Variants in PCSK6 observed in about 807,000 individuals in gnomAD.
PCSK6 encodes paired basic amino acid cleaving enzyme 4.
A neutral mutation model predicts 123.3 loss-of-function variants in PCSK6; 85 were observed. That is an observed-to-expected ratio of 0.69 (90% confidence interval 0.58 to 0.83). The LOEUF is 0.83. PCSK6 is among the 40% of genes least tolerant of loss of function. The pLI is 0.00. For missense variants in PCSK6, 1,191 were observed against 1,282.3 expected (o/e 0.93, Z 1.09); for synonymous variants, 508 against 516.0 (o/e 0.98, Z 0.21).
chr15:101,400,720 C>T (rs553176033), intron 6 of PCSK6, among the ~76,000 whole-genome samples: 3 of 152,348 alleles, frequency 2.0e-5, no homozygotes, highest in East Asian at 1.9e-4. Context: ...CTAACACATA[C>T]ATTTCAAATG....
intron 13 of PCSK6, among the ~76,000 whole-genome samples, chr15:101,358,237 A>G (rs781473209): frequency 7.9e-5 from 12 of 152,258 alleles, no homozygotes; most frequent in East Asian, 5.8e-4. Context: ...TCATTCTACA[A>G]AAGGACAGCC....
At chr15:101,412,542 A>T (rs548414895) in intron 6 of PCSK6, among the ~76,000 whole-genome samples, 22 of 152,012 alleles carry the variant, frequency 1.4e-4, no homozygotes, top group Non-Finnish European at 3.1e-4. Context: ...GAAAGTCTCA[A>T]TAAAGAAACT....
intron 15 of PCSK6, among the ~76,000 whole-genome samples, chr15:101,330,844 C>G (rs1220127796): frequency 6.6e-6 from 1 of 152,186 alleles, no homozygotes; most frequent in East Asian, 1.9e-4. Context: ...ATTCAATGCT[C>G]TATTTTAAAG....
intron 1 of PCSK6, among the ~76,000 whole-genome samples, chr15:101,448,471 T>C (rs950470570): frequency 2.0e-5 from 3 of 152,224 alleles, no homozygotes; most frequent in African/African-American, 7.2e-5. Flanking sequence ...CAATTCCCCC[T>C]CCTTCACCTG....
At chr15:101,310,004 G>C (rs1044667332) in intron 20 of PCSK6, among the ~76,000 whole-genome samples, 4 of 152,234 alleles carry the variant, frequency 2.6e-5, no homozygotes, top group African/African-American at 7.2e-5. Flanking sequence ...CAGCCCGTCT[G>C]GCCACATGCT....
chr15:101,347,954 G>T (rs1009720827), intron 13 of PCSK6, among the ~76,000 whole-genome samples: 1 of 152,194 alleles, frequency 6.6e-6, no homozygotes. Flanking sequence ...GCTTAGCTGG[G>T]GGAAGTCTTC....
At position 101,305,264 on chromosome 15, in the gene PCSK6, G is replaced by T; in HGVS notation, c.2904C>A (p.Ala968=). ...IQFCCRTCLL[A]G is the part of the protein sequence containing the mutation. ...TGTGGGCAGCTAGGCACCCTTACCC[G>T]GCCAGGAGGCACGTGCGGCAGCAGA... The change falls in exon 22 of 22, where the codon GCC becomes GCA. Residue 968 remains alanine (A), a synonymous_variant. Transcript: ENST00000611716. The surrounding 1 kb of genome is among the most constrained non-coding windows in gnomAD (Gnocchi z 4.8). 6.2e-7 allele frequency: 1 copy of T among 1,610,414 alleles called. No individual in the cohort carries two copies.
chr15:101,444,755 C>T (rs1246012755), intron 1 of PCSK6, among the ~76,000 whole-genome samples: 2 of 152,240 alleles, frequency 1.3e-5, no homozygotes, highest in Non-Finnish European at 1.5e-5. Context: ...AAAGCCTACC[C>T]GACTCACAAC....
At chr15:101,393,557 T>A in intron 7 of PCSK6, 133 bp from the exon 8 acceptor site, 1 of 653,274 alleles carries the variant, frequency 1.5e-6, no homozygotes, top group Non-Finnish European at 2.6e-6. Context: ...ACCATCTGGA[T>A]GCTGCTGAGA....
At chr15:101,475,916 G>A (rs938058255) in intron 1 of PCSK6, among the ~76,000 whole-genome samples, 2 of 152,180 alleles carry the variant, frequency 1.3e-5, no homozygotes, top group Admixed American at 6.5e-5. Flanking sequence ...AATCGGTGGG[G>A]CCCACACACA....
At chr15:101,348,706 G>A (rs957186460) in intron 13 of PCSK6, among the ~76,000 whole-genome samples, 14 of 152,178 alleles carry the variant, frequency 9.2e-5, no homozygotes, top group Non-Finnish European at 1.5e-4. Flanking sequence ...CCCCAGGCCC[G>A]TTGAAGTAGA....
At chr15:101,391,445 G>T (rs1230900275) in intron 8 of PCSK6, among the ~76,000 whole-genome samples, 2 of 152,230 alleles carry the variant, frequency 1.3e-5, no homozygotes, top group African/African-American at 2.4e-5. Context: ...AGGGATGGCT[G>T]AATCAAGGTG....
intron 13 of PCSK6, among the ~76,000 whole-genome samples, chr15:101,335,249 G>A (rs549291899): frequency 4.7e-4 from 71 of 152,266 alleles, no homozygotes; most frequent in African/African-American, 1.6e-3. Flanking sequence ...TGTGAGCCAC[G>A]CGCCCAGCCT....
chr15:101,438,820 T>C (rs1347403959), intron 2 of PCSK6, among the ~76,000 whole-genome samples: 1 of 152,112 alleles, frequency 6.6e-6, no homozygotes, highest in African/African-American at 2.4e-5. Flanking sequence ...ATACGACTGC[T>C]AGAAGAGCAG....
At chr15:101,408,199 C>T (rs888046497) in intron 6 of PCSK6, among the ~76,000 whole-genome samples, 3 of 152,218 alleles carry the variant, frequency 2.0e-5, no homozygotes, top group Admixed American at 6.5e-5. Context: ...GCCAAGAAAG[C>T]AAACCCATAT....
intron 13 of PCSK6, among the ~76,000 whole-genome samples, chr15:101,332,955 T>C (rs946053513): frequency 1.3e-5 from 2 of 152,220 alleles, no homozygotes; most frequent in South Asian, 2.1e-4. Flanking sequence ...GACTTTACAA[T>C]GGTGTGGAAG....
chr15:101,393,505 C>G (rs1363212041), intron 7 of PCSK6, 81 bp from the exon 8 acceptor site: 1 of 1,045,482 alleles, frequency 9.6e-7, no homozygotes, highest in Non-Finnish European at 1.4e-6. Flanking sequence ...AGAGTCCCAT[C>G]TCCCAAATGT....
rs900783087 is a variant in PCSK6, at chr15:101,390,370, C to T, written c.1210-806G>A. On this transcript the variant is annotated intron_variant, in intron 8 of 21. Transcript: ENST00000611716. Reference sequence around the variant, plus strand: ...GGGATTGTCGCCCCATCATCTTTGTCCCCTGGTGTTATTCCAATGAGCTTT... The same window carrying T: ...GGGATTGTCGCCCCATCATCTTTGTTCCCTGGTGTTATTCCAATGAGCTTT... Among the ~76,000 whole-genome samples the T allele has an allele frequency of 5.9e-5, 9 of 151,818 alleles. 1 individual carries two copies. The highest frequency in any genetic ancestry group is 2.2e-4 in the African/African-American group (9 of 41,254).
At chr15:101,483,552 C>T (rs994197711) in intron 1 of PCSK6, among the ~76,000 whole-genome samples, 5 of 152,188 alleles carry the variant, frequency 3.3e-5, no homozygotes, top group Non-Finnish European at 5.9e-5. Flanking sequence ...GCATGGCATC[C>T]AAGAACCACC....
Sources: allele counts gnomAD v4.1 joint callset (sites outside exome capture counted in the v4.1 genomes callset), GRCh38; gene constraint gnomAD v4.1.1; non-coding constraint Gnocchi (gnomAD v3.1); transcripts MANE v1.5; gene names NCBI Gene and HGNC (gene_info 2026-07-23, HGNC 2026-07-21).